The following BCAT1 variants were observed in gnomAD, a reference collection of about 807,000 sequenced individuals.
BCAT1 encodes the protein branched chain amino acid transaminase 1.
Under a neutral mutation model 52.4 loss-of-function variants are expected in BCAT1, and 48 were observed. That is an observed-to-expected ratio of 0.92 (90% CI 0.73 to 1.16). The LOEUF (loss-of-function observed/expected upper bound fraction) is 1.16. BCAT1 is among the 50% of genes most tolerant of loss of function. The pLI is 0.00. For synonymous variants in BCAT1, 167 were observed against 161.3 expected (o/e 1.04, Z -0.27); for missense variants, 451 against 457.1 (o/e 0.99, Z 0.12).
chr12:24,883,217 C>T (rs375865725), intron 3 of BCAT1, among the ~76,000 whole-genome samples: 37 of 152,146 alleles, frequency 2.4e-4, no homozygotes, highest in Admixed American at 9.8e-4. Context: ...ACCCAGGAGG[C>T]GGAGATTGTG....
rs1388442761 is a variant in BCAT1, at chr12:24,938,124, T to C, written c.6+10803A>G. Among the ~76,000 whole-genome samples, 8 of 152,218 alleles carry C rather than the reference T, an allele frequency of 5.3e-5. No homozygotes were observed. In the East Asian group the frequency reaches 1.5e-3, roughly 29 times the overall value. On this transcript the variant is annotated intron_variant, in intron 1 of 10. Coordinates refer to ENST00000261192, the MANE Select transcript of BCAT1 (RefSeq NM_005504.7). The stretch of plus-strand genomic sequence containing the variant: ...CAGTGGATAATGGGGCCAGAGGGAC[T>C]GGGGTGTCTTCCAATGATGGTTAGA...
intron 5 of BCAT1, among the ~76,000 whole-genome samples, chr12:24,876,843 T>C (rs1775948533): frequency 6.6e-6 from 1 of 152,068 alleles, no homozygotes; most frequent in Admixed American, 6.6e-5. Flanking sequence ...GAATAGCTAA[T>C]GGATGCTGGG....
At chr12:24,896,463 A>C (rs982659899) in intron 2 of BCAT1, among the ~76,000 whole-genome samples, 1 of 152,158 alleles carries the variant, frequency 6.6e-6, no homozygotes, top group African/African-American at 2.4e-5. Context: ...AATATTTATC[A>C]TCTAGCCATT....
intron 1 of BCAT1, among the ~76,000 whole-genome samples, chr12:24,935,470 A>G (rs1300184994): frequency 6.6e-6 from 1 of 152,058 alleles, no homozygotes. Flanking sequence ...CCAAGTCACC[A>G]TCATCTCTTC....
intron 5 of BCAT1, among the ~76,000 whole-genome samples, chr12:24,865,896 T>C (rs575614624): frequency 6.6e-6 from 1 of 152,346 alleles, no homozygotes; most frequent in East Asian, 1.9e-4. Flanking sequence ...ATTATGCTAC[T>C]GAGAGATGAC....
chr12:24,911,098 T>C (rs1943317907), intron 1 of BCAT1, among the ~76,000 whole-genome samples: 1 of 150,206 alleles, frequency 6.7e-6, no homozygotes, highest in Non-Finnish European at 1.5e-5. Context: ...TGAGACTGTC[T>C]TAAAAAAAAA....
intron 1 of BCAT1, among the ~76,000 whole-genome samples, chr12:24,920,379 G>C (rs752300804): frequency 6.6e-6 from 1 of 152,212 alleles, no homozygotes; most frequent in African/African-American, 2.4e-5. Flanking sequence ...GGGCTGAGAA[G>C]TAATGCTTGA....
intron 3 of BCAT1, among the ~76,000 whole-genome samples, chr12:24,882,579 CT>C (rs1423349904): frequency 6.6e-6 from 1 of 150,524 alleles, no homozygotes; most frequent in Admixed American, 6.6e-5. Context: ...CATGCAAATA[CT>C]TTATTTTTTA....
intron 2 of BCAT1, among the ~76,000 whole-genome samples, chr12:24,900,345 G>A (rs190900009): frequency 1.3e-5 from 2 of 152,192 alleles, no homozygotes; most frequent in Admixed American, 1.3e-4. Context: ...CAGCATTTTG[G>A]GAGGCCGAGG....
In BCAT1 at chr12:24,813,583, G is replaced by A. The variant is rs1939766477; in HGVS notation, c.*4425C>T. The stretch of plus-strand genomic sequence containing the variant: ...AGGTGCACCATGATAACTCAACATT[G>A]TTTGAAAAGAATTCAGTCAACACAT... On this transcript the variant is annotated 3_prime_UTR_variant, in exon 11 of 11. Coordinates refer to ENST00000261192, the MANE Select transcript of BCAT1 (RefSeq NM_005504.7). 6.6e-6 allele frequency: 1 copy of A among 151,968 alleles called. No homozygotes were observed. Among genetic ancestry groups the A allele is most frequent in the African/African-American group, 2.4e-5 (1 of 41,432 alleles). 9.4% of individuals were successfully genotyped at this position (151,968 alleles called of 1,614,324 possible).
intron 2 of BCAT1, among the ~76,000 whole-genome samples, chr12:24,899,264 G>C (rs1467115379): frequency 6.6e-6 from 1 of 152,130 alleles, no homozygotes. Flanking sequence ...AACTACCCAA[G>C]AGAGACCCAA....
In BCAT1 at chr12:24,817,219, T is replaced by C. The variant is rs909533258; in HGVS notation, c.*789A>G. 6 of 152,188 alleles carry C rather than the reference T, an allele frequency of 3.9e-5. No individual in the cohort carries two copies. The highest frequency in any genetic ancestry group is 1.3e-4 in the Admixed American group (2 of 15,274). The allele number at this position is 152,188 out of a possible 1,614,324, so 9.4% of individuals were successfully genotyped here. On this transcript the variant is annotated 3_prime_UTR_variant, in exon 11 of 11. Coordinates refer to ENST00000261192, the MANE Select transcript of BCAT1 (RefSeq NM_005504.7). The stretch of plus-strand genomic sequence containing the variant: ...AAATTCTAATAAAGAGGTTTCATAA[T>C]ATAGAAACAAAGAAGGTACACTTCT...
intron 4 of BCAT1, among the ~76,000 whole-genome samples, chr12:24,879,084 G>A (rs948861607): frequency 4.6e-5 from 7 of 151,984 alleles, no homozygotes; most frequent in African/African-American, 1.7e-4. Flanking sequence ...AAAATACTAA[G>A]ACTTTATTTA....
At chr12:24,898,294 G>C (rs1943005061) in intron 2 of BCAT1, among the ~76,000 whole-genome samples, 1 of 151,984 alleles carries the variant, frequency 6.6e-6, no homozygotes, top group South Asian at 2.1e-4. Flanking sequence ...TGACATCGAA[G>C]TCAGGATGTT....
At chr12:24,948,896 G>A in intron 1 of BCAT1, 31 bp downstream of exon 1, 1 of 1,587,732 alleles carries the variant, frequency 6.3e-7, no homozygotes, top group Non-Finnish European at 8.6e-7. Flanking sequence ...ACACATTTTT[G>A]TAAAACACGG....
At chr12:24,881,033 C>T (rs927085111) in intron 4 of BCAT1, among the ~76,000 whole-genome samples, 1 of 152,122 alleles carries the variant, frequency 6.6e-6, no homozygotes, top group African/African-American at 2.4e-5. Context: ...TGGTGTTTCA[C>T]CATGTTGGCC....
At chr12:24,887,703 C>T (rs1166177321) in intron 3 of BCAT1, among the ~76,000 whole-genome samples, 3 of 152,180 alleles carry the variant, frequency 2.0e-5, no homozygotes, top group Non-Finnish European at 4.4e-5. Context: ...CATGTCTTAT[C>T]CATTTTTTAA....
chr12:24,921,172 C>G (rs1943496111), intron 1 of BCAT1, among the ~76,000 whole-genome samples: 1 of 152,202 alleles, frequency 6.6e-6, no homozygotes, highest in Non-Finnish European at 1.5e-5. Flanking sequence ...GATTAAACCA[C>G]TGGCCATTGG....
chr12:24,834,158 T>C (rs1450617155), intron 8 of BCAT1: 1 of 980,464 alleles, frequency 1.0e-6, no homozygotes, highest in Non-Finnish European at 1.2e-6. Context: ...AAGAACAGAC[T>C]GAGTTCAAAT....
Sources: gnomAD v4.1 joint callset for allele counts (sites outside exome capture counted in the v4.1 genomes callset) on GRCh38, gnomAD v4.1.1 for gene constraint, MANE v1.5 for transcripts, NCBI Gene and HGNC (gene_info 2026-07-23, HGNC 2026-07-21) for gene names.